The following ACSM2B variants were observed in gnomAD, a reference collection of about 807,000 sequenced individuals.
ACSM2B encodes acyl-CoA synthetase medium chain family member 2B, also known as acyl-coenzyme A synthetase ACSM2B, mitochondrial.
In ACSM2B, 58 loss-of-function variants were observed where a neutral mutation model predicts 78.6. The observed-to-expected ratio is 0.74, with a 90% CI of 0.60 to 0.92. ACSM2B has a LOEUF of 0.92. Among genes scored for constraint, ACSM2B ranks in the 40% least tolerant of loss-of-function variants. The pLI is 0.00. For missense variants in ACSM2B, 688 were observed against 711.2 expected (o/e 0.97, Z 0.37); for synonymous variants, 257 against 256.8 (o/e 1.00, Z -0.01).
At chr16:20,545,038 A>G (rs1398017464) in intron 10 of ACSM2B, 119 bp downstream of exon 10, 16 of 1,323,864 alleles carry the variant, frequency 1.2e-5, no homozygotes, top group Non-Finnish European at 1.6e-5. Context: ...TGAAAACTGG[A>G]CACTCTTTGT....
Position 20,545,155 on chromosome 16 carries a change from A to T in ACSM2B, c.1281+2T>A, listed in dbSNP as rs1301372235. 6.2e-7 allele frequency: 1 copy of T among 1,610,566 alleles called. No homozygotes were observed. Among genetic ancestry groups the T allele is most frequent in the African/African-American group, 1.3e-5 (1 of 74,948 alleles). ...CAGAGGAGGAGAAGCACAGTTTCTC[A>T]CCACATAGCCAGAGAAGATGCCTAT... On this transcript the variant is annotated splice_donor_variant, in intron 10 of 13. Coordinates refer to ENST00000329697, the MANE Select transcript of ACSM2B (RefSeq NM_001105069.2). LOFTEE classifies it high-confidence loss of function.
intron 6 of ACSM2B, among the ~76,000 whole-genome samples, chr16:20,550,832 C>T (rs1452397471): frequency 6.6e-6 from 1 of 152,116 alleles, no homozygotes; most frequent in Non-Finnish European, 1.5e-5. Context: ...AGCATAGCTG[C>T]AGTTTGTGGG....
chr16:20,561,858 TC>T (rs1393962973), intron 2 of ACSM2B, among the ~76,000 whole-genome samples: 1 of 87,552 alleles, frequency 1.1e-5, no homozygotes, highest in Non-Finnish European at 2.2e-5. Flanking sequence ...ATGTTATCCC[TC>T]CCCCCTCCCC....
rs1392111624 is a variant in ACSM2B at position 20,543,272 on chromosome 16, A to C, written c.1282-10T>G. 7.4e-6 allele frequency: 12 copies of C among 1,611,584 alleles called. No individual in the cohort carries two copies. The highest frequency in any genetic ancestry group is 1.0e-5 in the Non-Finnish European group (12 of 1,179,858). ...TCTTGTCGGGATTTTCCTGGTGACCACAGAAAGACAGAGTCATTGTGCCTG... is the reference window on the plus strand; with the variant it reads ...TCTTGTCGGGATTTTCCTGGTGACCCCAGAAAGACAGAGTCATTGTGCCTG... On this transcript the variant is annotated splice_polypyrimidine_tract_variant and intron_variant, in intron 10 of 13. Coordinates refer to ENST00000329697, the MANE Select transcript of ACSM2B (RefSeq NM_001105069.2).
intron 4 of ACSM2B, chr16:20,554,186 A>G (rs1350402132): frequency 1.6e-6 from 1 of 608,576 alleles, no homozygotes; most frequent in Non-Finnish European, 3.0e-6. Flanking sequence ...ATCTGCAAAA[A>G]AGTGAGATCA....
intron 12 of ACSM2B, 46 bp from the exon 13 acceptor site, chr16:20,540,819 G>C (rs1262383536): frequency 1.3e-6 from 2 of 1,594,142 alleles, no homozygotes; most frequent in South Asian, 1.1e-5. Context: ...AGAGTGTGTA[G>C]TCATCTCCTG....
At chr16:20,559,164 G>A in intron 3 of ACSM2B, 73 bp downstream of exon 3, 7 of 1,493,982 alleles carry the variant, frequency 4.7e-6, no homozygotes, top group Non-Finnish European at 6.3e-6. Flanking sequence ...TTTGAGAGAG[G>A]TGGCTGCATT....
chr16:20,540,958 G>A (rs377337441), intron 12 of ACSM2B, 185 bp from the exon 13 acceptor site: 521 of 821,222 alleles, frequency 6.3e-4, no homozygotes, highest in East Asian at 1.9e-3. Context: ...CTCTGAAGTC[G>A]TTTATTGGAG....
At chr16:20,556,919 A>T (rs780566372) in intron 3 of ACSM2B, among the ~76,000 whole-genome samples, 1 of 151,782 alleles carries the variant, frequency 6.6e-6, no homozygotes, top group South Asian at 2.1e-4. Flanking sequence ...AGTTCCTGCA[A>T]TTGGTTTGGT....
Position 20,542,929 on chromosome 16 carries a change from G to A in ACSM2B, c.1494C>T (p.Asp498=). The A allele has an allele frequency of 6.2e-7, 1 of 1,613,720 alleles. No homozygotes were observed. Among genetic ancestry groups the A allele is most frequent in the Non-Finnish European group, 8.5e-7 (1 of 1,179,852 alleles). ...TCCCCATCACCTCTCCTCGGACGGG[G>A]TCTGGGCTGCTGATCACAGCCGTCT... The part of the protein sequence containing the change: ...VVETAVISSP[D]PVRGEVVKAF... The change falls in exon 12 of 14, where the codon GAC becomes GAT. Residue 498 remains aspartate, a synonymous_variant. Transcript: ENST00000329697.
At chr16:20,542,072 C>A (rs1444330528) in intron 12 of ACSM2B, 1 of 151,792 alleles carries the variant, frequency 6.6e-6, no homozygotes, top group African/African-American at 2.4e-5. Flanking sequence ...TGTCCATCAC[C>A]TTGAGTATTT....
At chr16:20,546,591 T>A in intron 8 of ACSM2B, 117 bp from the exon 9 acceptor site, 1 of 1,429,696 alleles carries the variant, frequency 7.0e-7, no homozygotes, top group Non-Finnish European at 9.2e-7. Context: ...CTGCACTTGG[T>A]GGCTCCCCCT....
intron 8 of ACSM2B, 102 bp downstream of exon 8, chr16:20,547,960 A>G (rs1266684584): frequency 8.3e-6 from 13 of 1,564,292 alleles, no homozygotes; most frequent in East Asian, 4.5e-5. Context: ...AATATTTCTC[A>G]AATAAATGAA....
At chr16:20,537,771 C>T (rs111826218) in intron 13 of ACSM2B, among the ~76,000 whole-genome samples, 2 of 152,064 alleles carry the variant, frequency 1.3e-5, no homozygotes, top group Admixed American at 1.3e-4. Flanking sequence ...TTACATGGAC[C>T]AAAGGAGATT....
chr16:20,564,643 T>C, intron 2 of ACSM2B, 26 bp downstream of exon 2: 1 of 1,613,116 alleles, frequency 6.2e-7, no homozygotes, highest in Non-Finnish European at 8.5e-7. Context: ...ATTGTCTCAC[T>C]CTGTGCCTCT....
chr16:20,568,731 A>AT (rs895055909), intron 1 of ACSM2B, among the ~76,000 whole-genome samples: 17 of 151,312 alleles, frequency 1.1e-4, no homozygotes, highest in African/African-American at 2.9e-4. Flanking sequence ...AACATCTATA[A>AT]TTTTTTTTGT....
At chr16:20,543,546 C>G (rs191802393) in intron 10 of ACSM2B, among the ~76,000 whole-genome samples, 46 of 152,302 alleles carry the variant, frequency 3.0e-4, no homozygotes, top group Admixed American at 7.2e-4. Flanking sequence ...AGGGCATTTT[C>G]CCCAATTGAT....
At chr16:20,568,912 G>T (rs1461036548) in intron 1 of ACSM2B, among the ~76,000 whole-genome samples, 1 of 151,044 alleles carries the variant, frequency 6.6e-6, no homozygotes, top group Admixed American at 6.6e-5. Flanking sequence ...GATTTTTTGG[G>T]CTTTTTTTAC....
chr16:20,548,372 C>A (rs778920770), intron 7 of ACSM2B, 22 bp downstream of exon 7: 7 of 1,613,456 alleles, frequency 4.3e-6, no homozygotes, highest in Middle Eastern at 1.7e-4. Flanking sequence ...GACTCTCTTA[C>A]CAATCCTCAA....
Sources: allele counts gnomAD v4.1 joint callset (sites outside exome capture counted in the v4.1 genomes callset), GRCh38; gene constraint gnomAD v4.1.1; transcripts MANE v1.5; gene names NCBI Gene and HGNC (gene_info 2026-07-23, HGNC 2026-07-21).